Variants in L3MBTL3 observed in about 807,000 individuals in gnomAD.
L3MBTL3 encodes L3MBTL histone methyl-lysine binding protein 3.
A neutral mutation model predicts 102.3 loss-of-function variants in L3MBTL3; 27 were observed. That is an observed-to-expected ratio of 0.26 (90% CI 0.19 to 0.36). L3MBTL3 has a LOEUF of 0.36. Ranked by LOEUF, L3MBTL3 falls within the 10% of genes least tolerant of loss-of-function variation. The pLI, the probability that L3MBTL3 is intolerant of heterozygous loss-of-function variation, is 1.00. For synonymous variants in L3MBTL3, 340 were observed against 320.9 expected, an observed-to-expected ratio of 1.06 and a Z score of -0.64; for missense variants, 798 against 955.3, an observed-to-expected ratio of 0.84 and a Z score of 2.17.
intron 13 of L3MBTL3, among the ~76,000 whole-genome samples, chr6:130,073,510 T>C (rs957447359): frequency 6.6e-6 from 1 of 152,148 alleles, no homozygotes; most frequent in African/African-American, 2.4e-5. Context: ...TTGGGGAGGA[T>C]TTTTTTAAAG....
chr6:130,046,830 C>A (rs541335621), intron 3 of L3MBTL3, among the ~76,000 whole-genome samples: 32 of 152,244 alleles, frequency 2.1e-4, no homozygotes, highest in Non-Finnish European at 4.3e-4. Flanking sequence ...AATTTCAGAA[C>A]CTGGGTGTTT....
chr6:130,095,912 A>G (rs944869049), intron 18 of L3MBTL3, among the ~76,000 whole-genome samples: 10 of 152,186 alleles, frequency 6.6e-5, no homozygotes, highest in African/African-American at 2.2e-4. Context: ...TCACAGTGGC[A>G]ATCAGATTTC....
rs766051179 is a variant in L3MBTL3 at position 130,078,621 on chromosome 6, T to C, written c.1308T>C (p.Leu436=). The change falls in exon 14 of 23, where the codon CTT becomes CTC. Residue 436 remains leucine, a synonymous_variant. Transcript: ENST00000361794. ...GGTGTAAGGAACATAGAAGAACCCT[T>C]ATTACTCCACCAGGTGTGTGTTTTT... ...VGWCKEHRRT[L]ITPPGYPNVK... is the part of the protein sequence containing the mutation. 6.2e-7 allele frequency: 1 copy of C among 1,604,798 alleles called. No individual in the cohort carries two copies. The highest frequency in any genetic ancestry group is 8.5e-7 in the Non-Finnish European group (1 of 1,172,284).
At chr6:130,051,674 A>C (rs1562266741) in intron 6 of L3MBTL3, among the ~76,000 whole-genome samples, 1 of 152,086 alleles carries the variant, frequency 6.6e-6, no homozygotes, top group Non-Finnish European at 1.5e-5. Flanking sequence ...CATTCATTTG[A>C]TTGTCTTCAG....
intron 8 of L3MBTL3, among the ~76,000 whole-genome samples, chr6:130,055,599 CCTCTCTGTCTCCGCCTCTCCCTGT>C (rs1781434984): frequency 8.5e-6 from 1 of 117,442 alleles, no homozygotes; most frequent in Non-Finnish European, 1.8e-5. Context: ...TCTCTCCCTC[CCTCTCTGTCTCCGCCTCTCCCTGT>C]CTCCCTCCCT....
At position 130,071,109 on chromosome 6, in the gene L3MBTL3, A is replaced by T; in HGVS notation, c.1226A>T (p.Asp409Val). The change falls in exon 13 of 23, where the codon GAT becomes GTT. Residue 409 changes from aspartate (D) to valine (V), a missense_variant. By Grantham distance (152) the Asp-to-Val change is radical. Transcript: ENST00000361794. ...NRFLVHFDNW[D>V]ESYDYWCEAS... The stretch of plus-strand genomic sequence containing the variant: ...TTCCTGGTACATTTTGACAACTGGG[A>T]TGAGAGCTATGACTATTGGTGAGAC... 2 of 1,612,834 alleles carry T rather than the reference A, an allele frequency of 1.2e-6. No homozygotes were observed. Among genetic ancestry groups the T allele is most frequent in the Non-Finnish European group, 1.7e-6 (2 of 1,179,226 alleles).
chr6:130,078,849 A>C (rs1463330954), intron 14 of L3MBTL3, among the ~76,000 whole-genome samples: 1 of 152,192 alleles, frequency 6.6e-6, no homozygotes, highest in Middle Eastern at 3.2e-3. Context: ...TTACAAAAAC[A>C]GGCAGCCAAC....
intron 2 of L3MBTL3, among the ~76,000 whole-genome samples, chr6:130,041,813 A>G (rs1474749361): frequency 3.3e-5 from 5 of 152,184 alleles, no homozygotes; most frequent in Non-Finnish European, 5.9e-5. Flanking sequence ...ATTTCCTGCT[A>G]TTGAGCAGAA....
At position 130,035,243 on chromosome 6, in the gene L3MBTL3, C is replaced by T. The variant is rs1394087914; in HGVS notation, c.-15-7442C>T. ...TCAATATATGAGTGGTCTGCTTCCT[C>T]ATAGGGGTTTTTGAATATAAGATAT... On this transcript the variant is annotated intron_variant, in intron 2 of 22. Coordinates refer to ENST00000361794, the MANE Select transcript of L3MBTL3 (RefSeq NM_032438.4). Among the ~76,000 whole-genome samples, 4 of 152,182 alleles carry T rather than the reference C, an allele frequency of 2.6e-5. No homozygotes were observed. In the South Asian group the frequency reaches 6.2e-4, roughly 24 times the overall value.
chr6:130,135,125 C>A (rs1787501273), intron 22 of L3MBTL3, among the ~76,000 whole-genome samples: 2 of 142,130 alleles, frequency 1.4e-5, no homozygotes, highest in South Asian at 4.4e-4. Context: ...CTCTCCTGGG[C>A]TAGAGTGCTC....
intron 20 of L3MBTL3, among the ~76,000 whole-genome samples, chr6:130,126,615 C>T (rs1786625344): frequency 6.6e-6 from 1 of 152,062 alleles, no homozygotes; most frequent in Non-Finnish European, 1.5e-5. Flanking sequence ...CTTTCTTCTA[C>T]CCTAAGCCAA....
At chr6:130,032,099 G>T (rs767340964) in intron 2 of L3MBTL3, among the ~76,000 whole-genome samples, 7 of 151,884 alleles carry the variant, frequency 4.6e-5, no homozygotes, top group African/African-American at 1.7e-4. Context: ...TTTCTTGTAG[G>T]TGTGGGGTCT....
At position 130,054,490 on chromosome 6, in the gene L3MBTL3, G is replaced by T. The variant is rs375339325; in HGVS notation, c.583-681G>T. ...AGAAGGCTGAAGATGATGGAAGTCC[G>T]TGGATTTGGGAATCAATGTTAGAGG... is the stretch of plus-strand genomic sequence containing the variant. On this transcript the variant is annotated intron_variant, in intron 7 of 22. Coordinates refer to ENST00000361794, the MANE Select transcript of L3MBTL3 (RefSeq NM_032438.4). 1.2e-4 allele frequency among the ~76,000 whole-genome samples: 19 copies of T among 152,334 alleles called. 2 individuals are homozygous for T. The Middle Eastern group carries it at 0.024, about 191-fold the overall frequency.
intron 19 of L3MBTL3, among the ~76,000 whole-genome samples, chr6:130,108,414 T>G (rs1263553584): frequency 6.6e-6 from 1 of 151,844 alleles, no homozygotes; most frequent in Admixed American, 6.6e-5. Context: ...TTTTGTGTTT[T>G]TAGTGGAGAC....
intron 19 of L3MBTL3, among the ~76,000 whole-genome samples, chr6:130,110,865 C>T (rs939406750): frequency 4.6e-5 from 7 of 152,108 alleles, no homozygotes; most frequent in Non-Finnish European, 8.8e-5. Flanking sequence ...GAGATATGTT[C>T]CATCAATACC....
intron 19 of L3MBTL3, among the ~76,000 whole-genome samples, chr6:130,118,192 T>C (rs1028178380): frequency 2.0e-5 from 3 of 152,132 alleles, no homozygotes; most frequent in African/African-American, 7.2e-5. Flanking sequence ...TAAAAGACGA[T>C]TGAATCCAAT....
chr6:130,033,974 G>A (rs1779888400), intron 2 of L3MBTL3, among the ~76,000 whole-genome samples: 1 of 152,186 alleles, frequency 6.6e-6, no homozygotes, highest in South Asian at 2.1e-4. Flanking sequence ...CAGACTTTTG[G>A]GTTATAGCAG....
At chr6:130,024,457 A>G (rs1298335599) in intron 2 of L3MBTL3, among the ~76,000 whole-genome samples, 3 of 152,196 alleles carry the variant, frequency 2.0e-5, no homozygotes, top group African/African-American at 7.2e-5. Flanking sequence ...AAAACCCAAT[A>G]GGAGTGGAAA....
At chr6:130,100,925 T>C (rs114537956) in intron 18 of L3MBTL3, among the ~76,000 whole-genome samples, 2,587 of 152,288 alleles carry the variant, frequency 0.017, 69 homozygotes, top group African/African-American at 0.059. Flanking sequence ...TGTCACTTTC[T>C]TCATATACAG....
Sources: allele counts gnomAD v4.1 joint callset (sites outside exome capture counted in the v4.1 genomes callset), GRCh38; gene constraint gnomAD v4.1.1; transcripts MANE v1.5; gene names NCBI Gene and HGNC (gene_info 2026-07-23, HGNC 2026-07-21).